Variants in NEDD4L observed in about 807,000 individuals in gnomAD.
NEDD4L encodes NEDD4 like E3 ubiquitin protein ligase.
Under a neutral mutation model 148.9 loss-of-function variants are expected in NEDD4L, and 54 were observed. That is an observed-to-expected ratio of 0.36 (90% confidence interval 0.29 to 0.45). The LOEUF is 0.45. Ranked by LOEUF, NEDD4L falls within the 20% of genes least tolerant of loss-of-function variation. The probability of loss-of-function intolerance (pLI) is 1.00; values close to 1 mark genes in which losing one functional copy is unlikely to be tolerated. For synonymous variants in NEDD4L, 433 were observed against 440.7 expected, an observed-to-expected ratio of 0.98 and a Z score of 0.22; for missense variants, 856 against 1,233.8, an observed-to-expected ratio of 0.69 and a Z score of 4.59.
chr18:58,268,541 C>G (rs570317850), intron 5 of NEDD4L, among the ~76,000 whole-genome samples: 2 of 152,068 alleles, frequency 1.3e-5, no homozygotes, highest in Admixed American at 6.5e-5. Context: ...CCTAGTTTAT[C>G]ATGTGTTTCC....
At chr18:58,361,858 G>T (rs2045530513) in intron 19 of NEDD4L, among the ~76,000 whole-genome samples, 1 of 150,694 alleles carries the variant, frequency 6.6e-6, no homozygotes, top group African/African-American at 2.5e-5. Context: ...AGATTTTCAA[G>T]TGAGAACAAA....
At chr18:58,198,010 CCTT>C (rs1445598664) in intron 2 of NEDD4L, 3 of 152,366 alleles carry the variant, frequency 2.0e-5, no homozygotes, top group African/African-American at 7.2e-5. Context: ...CACCAACCTG[CCTT>C]CTTCACCTTT....
intron 18 of NEDD4L, among the ~76,000 whole-genome samples, chr18:58,351,430 A>G (rs1568810006): frequency 1.3e-5 from 2 of 152,260 alleles, no homozygotes; most frequent in Non-Finnish European, 2.9e-5. Flanking sequence ...GCAGCATGTA[A>G]GTTTTTTAGA....
At chr18:58,267,726 C>T (rs565605756) in intron 5 of NEDD4L, among the ~76,000 whole-genome samples, 18 of 152,052 alleles carry the variant, frequency 1.2e-4, no homozygotes, top group Middle Eastern at 3.4e-3. Flanking sequence ...CATGCCAGGG[C>T]GTGGGTGGAT....
intron 19 of NEDD4L, among the ~76,000 whole-genome samples, chr18:58,360,742 T>TTG (rs10665833): frequency 0.3 from 43,642 of 145,872 alleles, 6,452 homozygotes; most frequent in Middle Eastern, 0.42. Context: ...AGTTTATAAT[T>TTG]TGTGTGTGTG....
intron 5 of NEDD4L, chr18:58,255,497 A>T: frequency 8.1e-7 from 1 of 1,230,588 alleles, no homozygotes; most frequent in Non-Finnish European, 1.0e-6. Context: ...TATTTCTGCT[A>T]TCTGTCGCTC....
chr18:58,368,222 A>C (rs1166116215), intron 22 of NEDD4L, among the ~76,000 whole-genome samples: 1 of 151,168 alleles, frequency 6.6e-6, no homozygotes, highest in Non-Finnish European at 1.5e-5. Context: ...TCTATCTAAT[A>C]TCCTGTGATT....
chr18:58,067,403 G>A (rs1267497158), intron 1 of NEDD4L, among the ~76,000 whole-genome samples: 1 of 152,196 alleles, frequency 6.6e-6, no homozygotes, highest in African/African-American at 2.4e-5. Flanking sequence ...TCAGCTATCT[G>A]ATATCCTTTT....
intron 2 of NEDD4L, among the ~76,000 whole-genome samples, chr18:58,202,698 G>T (rs1436482376): frequency 1.3e-5 from 2 of 152,200 alleles, no homozygotes; most frequent in Non-Finnish European, 2.9e-5. Flanking sequence ...GTCTTTCTTG[G>T]ATAGCGTAGC....
At chr18:58,328,744 T>C (rs752454315) in intron 9 of NEDD4L, among the ~76,000 whole-genome samples, 12 of 152,244 alleles carry the variant, frequency 7.9e-5, no homozygotes, top group Non-Finnish European at 1.5e-4. Context: ...TTGAAATGTA[T>C]GCCTGAAAGA....
chr18:58,305,091 C>T (rs765580462), intron 5 of NEDD4L, among the ~76,000 whole-genome samples: 9 of 152,162 alleles, frequency 5.9e-5, no homozygotes, highest in Non-Finnish European at 1.2e-4. Flanking sequence ...ATTCCGGGCC[C>T]AGGCAGTTAT....
At chr18:58,204,284 C>T (rs1262899405) in intron 2 of NEDD4L, among the ~76,000 whole-genome samples, 1 of 151,982 alleles carries the variant, frequency 6.6e-6, no homozygotes, top group African/African-American at 2.4e-5. Context: ...GCCAAGATTG[C>T]ACCACTGCAC....
intron 1 of NEDD4L, among the ~76,000 whole-genome samples, chr18:58,135,514 G>A (rs748807928): frequency 3.9e-5 from 6 of 152,210 alleles, no homozygotes; most frequent in Non-Finnish European, 8.8e-5. Context: ...TCACCTGACC[G>A]TGTATGGAGA....
intron 1 of NEDD4L, among the ~76,000 whole-genome samples, chr18:58,106,138 G>C (rs982535776): frequency 6.6e-6 from 1 of 152,208 alleles, no homozygotes; most frequent in Non-Finnish European, 1.5e-5. Context: ...ATGGTCCCCA[G>C]CTAGGCACAA....
intron 1 of NEDD4L, among the ~76,000 whole-genome samples, chr18:58,129,137 T>C (rs1598976276): frequency 6.6e-6 from 1 of 152,244 alleles, no homozygotes; most frequent in Non-Finnish European, 1.5e-5. Flanking sequence ...CCCAGATTGC[T>C]GATAGAGGAA....
At chr18:58,184,694 T>C (rs1451249577) in intron 2 of NEDD4L, among the ~76,000 whole-genome samples, 7 of 152,116 alleles carry the variant, frequency 4.6e-5, no homozygotes, top group Admixed American at 6.5e-5. Context: ...TTTGGGAGGC[T>C]GAGGTAGGCG....
chr18:58,333,810 C>T lies in NEDD4L; in HGVS notation c.991-8C>T, dbSNP rs200863861. ...CTTGATGCTTCCTGTCTTTTCCTCT[C>T]CTTCCAGCAAAGAGAACCCTCCTCA... On this transcript the variant is annotated splice_region_variant and splice_polypyrimidine_tract_variant and intron_variant, in intron 11 of 30. Coordinates refer to ENST00000400345, the MANE Select transcript of NEDD4L (RefSeq NM_001144967.3). 1.9e-6 allele frequency: 3 copies of T among 1,611,264 alleles called. No homozygotes were observed. The highest frequency in any genetic ancestry group is 1.3e-5 in the African/African-American group (1 of 74,860).
intron 18 of NEDD4L, among the ~76,000 whole-genome samples, chr18:58,351,776 C>G (rs2043921934): frequency 6.6e-6 from 1 of 152,130 alleles, no homozygotes; most frequent in Non-Finnish European, 1.5e-5. Flanking sequence ...TGTAAAGTTT[C>G]AACCATGAGT....
chr18:58,064,909 C>T (rs1038826638), intron 1 of NEDD4L, among the ~76,000 whole-genome samples: 10 of 152,060 alleles, frequency 6.6e-5, no homozygotes, highest in African/African-American at 1.7e-4. Context: ...GAGACCAGCC[C>T]GGGCAACATA....
Sources: gnomAD v4.1 joint callset for allele counts (sites outside exome capture counted in the v4.1 genomes callset) on GRCh38, gnomAD v4.1.1 for gene constraint, MANE v1.5 for transcripts, NCBI Gene and HGNC (gene_info 2026-07-23, HGNC 2026-07-21) for gene names.